The following TENM2 variants were observed in gnomAD, a reference collection of about 807,000 sequenced individuals.
TENM2 encodes the protein teneurin transmembrane protein 2, also known as teneurin-2.
A neutral mutation model predicts 245.2 loss-of-function variants in TENM2; 52 were observed. The observed-to-expected ratio is 0.21, with a 90% CI of 0.17 to 0.27. The LOEUF (loss-of-function observed/expected upper bound fraction) is 0.27. Among genes scored for constraint, TENM2 ranks in the 10% least tolerant of loss-of-function variants. The pLI is 1.00. For synonymous variants in TENM2, 1,363 were observed against 1,438.9 expected (o/e 0.95, Z 1.19); for missense variants, 3,046 against 3,666.8 (o/e 0.83, Z 4.37).
At chr5:167,663,169 AGAGAGAGAG>A in intron 2 of TENM2, among the ~76,000 whole-genome samples, 1 of 151,098 alleles carries the variant, frequency 6.6e-6, no homozygotes, top group African/African-American at 2.4e-5. Flanking sequence ...AGAGAGAGAG[AGAGAGAGAG>A]AGAGAGAGAA....
chr5:167,370,492 C>T (rs1760350022), intron 1 of TENM2, among the ~76,000 whole-genome samples: 1 of 151,844 alleles, frequency 6.6e-6, no homozygotes, highest in Non-Finnish European at 1.5e-5. Context: ...GATCACTGAA[C>T]AGTTTTTAGA....
At chr5:167,189,067 T>G in the TENM2 span, among the ~76,000 whole-genome samples, 1 of 152,290 alleles carries the variant, frequency 6.6e-6, no homozygotes, top group East Asian at 1.9e-4. Flanking sequence ...CATAAAAAGT[T>G]TATTTTAATC....
chr5:167,976,264 A>G (rs1167142083), intron 4 of TENM2, among the ~76,000 whole-genome samples: 4 of 152,100 alleles, frequency 2.6e-5, no homozygotes, highest in African/African-American at 4.8e-5. Context: ...ATACTGATCT[A>G]GAAACAGAGA....
chr5:167,440,507 C>G (rs1000109392), intron 2 of TENM2, among the ~76,000 whole-genome samples: 1 of 151,900 alleles, frequency 6.6e-6, no homozygotes, highest in Admixed American at 6.5e-5. Flanking sequence ...CTGTACATAT[C>G]ATTTCTGTTC....
chr5:167,605,743 G>C (rs1776993208), intron 2 of TENM2, among the ~76,000 whole-genome samples: 1 of 152,158 alleles, frequency 6.6e-6, no homozygotes, highest in Non-Finnish European at 1.5e-5. Flanking sequence ...CAGGTAAATT[G>C]ATTGGCTGTT....
rs2127664063 is a variant in TENM2, at chr5:167,573,182, A to G, written c.502+197709A>G. ...TAAGTAGAGTTCCATCTGCCAGTAAAACTACATTGCAAATTGCCGTAGAAA... is the reference window on the plus strand; with the variant it reads ...TAAGTAGAGTTCCATCTGCCAGTAAGACTACATTGCAAATTGCCGTAGAAA... On this transcript the variant is annotated intron_variant, in intron 2 of 28. Transcript: ENST00000518659. 2.0e-5 allele frequency among the ~76,000 whole-genome samples: 3 copies of G among 152,250 alleles called. 1 individual carries two copies. Among genetic ancestry groups the G allele is most frequent in the Admixed American group, 2.0e-4 (3 of 15,290 alleles).
At chr5:167,960,015 A>T (rs1198610572) in intron 4 of TENM2, among the ~76,000 whole-genome samples, 1 of 152,168 alleles carries the variant, frequency 6.6e-6, no homozygotes, top group African/African-American at 2.4e-5. Context: ...CCTGGGTATC[A>T]CCAGCGGAGG....
the TENM2 span, among the ~76,000 whole-genome samples, chr5:167,181,207 A>G: frequency 2.6e-5 from 4 of 152,156 alleles, no homozygotes; most frequent in Admixed American, 2.6e-4. Flanking sequence ...ACCTATGACA[A>G]CAAAAATGCT....
intron 19 of TENM2, 108 bp downstream of exon 21, chr5:168,204,729 C>T: frequency 7.2e-7 from 1 of 1,390,610 alleles, no homozygotes; most frequent in Non-Finnish European, 9.7e-7. Context: ...AAGATATAGT[C>T]CTTGTGATCC....
upstream of TENM2, among the ~76,000 whole-genome samples, chr5:167,281,898 G>A (rs1016252332): frequency 5.3e-5 from 8 of 151,338 alleles, no homozygotes; most frequent in Non-Finnish European, 1.0e-4. Context: ...TACTTGGGAG[G>A]CAGAGGCAGG....
intron 4 of TENM2, among the ~76,000 whole-genome samples, chr5:167,967,523 C>G (rs1271939301): frequency 2.0e-5 from 3 of 152,154 alleles, no homozygotes; most frequent in African/African-American, 7.2e-5. Context: ...AGAAGCTGTC[C>G]TTTTTAAATT....
chr5:167,205,728 G>A, the TENM2 span, among the ~76,000 whole-genome samples: 5 of 152,252 alleles, frequency 3.3e-5, no homozygotes, highest in East Asian at 9.7e-4. Flanking sequence ...GCTTAGCAGG[G>A]TTCTTTCTCT....
exon 7 of TENM2, chr5:168,062,181 G>T (rs761551211): frequency 9.3e-6 from 15 of 1,613,750 alleles, no homozygotes; most frequent in Non-Finnish European, 1.3e-5. Context: ...GTCAGCCCCA[G>T]TTCTTAAAGT....
chr5:168,052,396 A>G (rs1440786787), intron 6 of TENM2, among the ~76,000 whole-genome samples: 1 of 151,922 alleles, frequency 6.6e-6, no homozygotes, highest in African/African-American at 2.4e-5. Flanking sequence ...GTGTCCATAT[A>G]TACACACACC....
At chr5:167,901,396 A>G (rs2151517773) in intron 3 of TENM2, among the ~76,000 whole-genome samples, 1 of 152,322 alleles carries the variant, frequency 6.6e-6, no homozygotes, top group Non-Finnish European at 1.5e-5. Context: ...GTTTTCAAAT[A>G]CCAGGCTGAG....
At chr5:168,215,222 G>A (rs746477215) in exon 21 of TENM2, 16 of 1,613,730 alleles carry the variant, frequency 9.9e-6, no homozygotes, top group Admixed American at 5.0e-5. Context: ...GATGAAGCCC[G>A]CTGCGGGGAT....
intron 2 of TENM2, among the ~76,000 whole-genome samples, chr5:167,427,903 A>AGGGAAGGAAGGGAAGGAAGGAAGGAC (rs1404454980): frequency 1.3e-3 from 161 of 122,958 alleles, no homozygotes; most frequent in African/African-American, 4.7e-3. Context: ...ACGGAAAGGA[A>AGGGAAGGAAGGGAAGGAAGGAAGGAC]GGGAAGGAAG....
intron 1 of TENM2, among the ~76,000 whole-genome samples, chr5:167,355,862 C>A (rs1023975141): frequency 2.2e-5 from 3 of 136,218 alleles, no homozygotes; most frequent in Non-Finnish European, 4.6e-5. Context: ...AAAGAAATGA[C>A]CCTTAATTTT....
intron 2 of TENM2, among the ~76,000 whole-genome samples, chr5:167,808,093 T>C (rs937171959): frequency 2.0e-5 from 3 of 152,202 alleles, no homozygotes; most frequent in Non-Finnish European, 4.4e-5. Context: ...TAGTATAGAA[T>C]CTGAGTTGGA....
Sources: allele counts gnomAD v4.1 joint callset (sites outside exome capture counted in the v4.1 genomes callset), GRCh38; gene constraint gnomAD v4.1.1; transcripts MANE v1.5; gene names NCBI Gene and HGNC (gene_info 2026-07-23, HGNC 2026-07-21).